Variants in SLC12A7 observed in about 807,000 individuals in gnomAD.
The protein encoded by SLC12A7 is solute carrier family 12 member 7.
A neutral mutation model predicts 120.6 loss-of-function variants in SLC12A7; 100 were observed. The observed-to-expected ratio is 0.83, with a 90% CI of 0.71 to 0.98. The LOEUF (loss-of-function observed/expected upper bound fraction) is 0.98, where lower values mean the gene tolerates loss of function less well. SLC12A7 is among the 50% of genes least tolerant of loss of function. SLC12A7 has a pLI of 0.00. For synonymous variants in SLC12A7, 760 were observed against 678.0 expected (o/e 1.12, Z -1.88); for missense variants, 1,373 against 1,548.1 (o/e 0.89, Z 1.90).
In SLC12A7 at chr5:1,085,082, C is replaced by T. The variant is rs915004924; in HGVS notation, c.917+150G>A. On this transcript the variant is annotated intron_variant, in intron 7 of 23. Coordinates refer to ENST00000264930, the MANE Select transcript of SLC12A7 (RefSeq NM_006598.3). ...GTTGGGTTTCCTGTAATCCCCAGAA[C>T]GAGCCCACGGGGGTTCCCGCCACGG... 3.6e-5 allele frequency: 40 copies of T among 1,114,178 alleles called. No individual in the cohort carries two copies. In the African/African-American group the frequency reaches 3.9e-4, roughly 11 times the overall value. 69.0% of individuals were successfully genotyped at this position (1,114,178 alleles called of 1,614,324 possible). A position where few individuals can be genotyped will look rare whatever the true frequency, so the allele number is the denominator to read the frequency against.
the SLC12A7 span, among the ~76,000 whole-genome samples, chr5:1,122,992 C>T: frequency 2.6e-5 from 4 of 152,350 alleles, no homozygotes; most frequent in African/African-American, 7.2e-5. Context: ...GGGCGCGGGG[C>T]CTGACCTTCT....
intron 1 of SLC12A7, among the ~76,000 whole-genome samples, chr5:1,110,125 G>A (rs979771271): frequency 2.0e-5 from 3 of 152,368 alleles, no homozygotes; most frequent in South Asian, 4.1e-4. Context: ...GGGCAGCTGC[G>A]TGCCCGTTAC....
Position 1,112,042 on chromosome 5 carries a change from C to T in SLC12A7, c.-51G>A. 8.2e-7 allele frequency: 1 copy of T among 1,215,064 alleles called. No individual in the cohort carries two copies. Among genetic ancestry groups the T allele is most frequent in the Non-Finnish European group, 1.0e-6 (1 of 976,066 alleles). 75.3% of individuals were successfully genotyped at this position (1,215,064 alleles called of 1,614,324 possible). A position where few individuals can be genotyped will look rare whatever the true frequency, so the allele number is the denominator to read the frequency against. On this transcript the variant is annotated 5_prime_UTR_variant, in exon 1 of 24. Transcript: ENST00000264930. ...TCCCGGCCCGGCCCGCGCTGCGCCG[C>T]TCCCGCCGACGCCACGGGACTTGGA...
rs964434553 is a variant in SLC12A7, at chr5:1,085,464, A to G, written c.685T>C (p.Ser229Pro). The G allele has an allele frequency of 1.9e-6, 3 of 1,606,160 alleles. No homozygotes were observed. In the African/African-American group the frequency reaches 4.0e-5, roughly 21 times the overall value. The change falls in exon 7 of 24, where the codon TCC (serine) becomes CCC (proline). Residue 229 changes from serine to proline, a missense_variant. Physicochemically the swap from Ser to Pro is moderately conservative, Grantham distance 74 (BLOSUM62 -1). Transcript: ENST00000264930. Reference protein sequence around the residue: ...GTIEIFLTYISPGAAIFQAEA... With the variant: ...GTIEIFLTYIPPGAAIFQAEA... Reference sequence around the variant, plus strand: ...GCCTGGAAGATGGCCGCACCCGGGGAGATGTACGTCTGTGGGAACAAGGCC... The same window carrying G: ...GCCTGGAAGATGGCCGCACCCGGGGGGATGTACGTCTGTGGGAACAAGGCC...
chr5:1,143,115 C>A, the SLC12A7 span, among the ~76,000 whole-genome samples: 1 of 152,214 alleles, frequency 6.6e-6, no homozygotes, highest in Non-Finnish European at 1.5e-5. Flanking sequence ...GGGCAACATG[C>A]CCCTCCATCC....
At chr5:1,056,504 C>T (rs1735625971) in intron 22 of SLC12A7, 7 of 739,852 alleles carry the variant, frequency 9.5e-6, no homozygotes, top group African/African-American at 1.9e-5. Context: ...CGCGCACAGA[C>T]ACACGCAGGC....
At chr5:1,104,376 C>T (rs1428128145) in intron 1 of SLC12A7, among the ~76,000 whole-genome samples, 2 of 152,228 alleles carry the variant, frequency 1.3e-5, no homozygotes, top group African/African-American at 4.8e-5. Context: ...TGGACATCCC[C>T]TGTGCACGGG....
Position 1,052,210 on chromosome 5 carries a change from G to C in SLC12A7, c.*150C>G, listed in dbSNP as rs749090414. The C allele has an allele frequency of 2.9e-6, 2 of 688,676 alleles. No individual in the cohort carries two copies. 42.7% of individuals were successfully genotyped at this position (688,676 alleles called of 1,614,324 possible). A position where few individuals can be genotyped will look rare whatever the true frequency, so the allele number is the denominator to read the frequency against. On this transcript the variant is annotated 3_prime_UTR_variant, in exon 24 of 24. Transcript: ENST00000264930. ...AGGAGAGCCCTAGGTGACGGGCCTAGAAACTTCCGTAGGAAGCCCCATGGG... is the reference window on the plus strand; with the variant it reads ...AGGAGAGCCCTAGGTGACGGGCCTACAAACTTCCGTAGGAAGCCCCATGGG...
At chr5:1,131,990 G>A in the SLC12A7 span, among the ~76,000 whole-genome samples, 16 of 152,210 alleles carry the variant, frequency 1.1e-4, no homozygotes, top group African/African-American at 2.7e-4. Context: ...GGCCTGCTGC[G>A]CTGCATTCCC....
chr5:1,154,609 C>T, the SLC12A7 span, among the ~76,000 whole-genome samples: 15 of 152,194 alleles, frequency 9.9e-5, no homozygotes, highest in Admixed American at 2.6e-4. Flanking sequence ...AGCACAGAGA[C>T]GTGCTGAGGA....
chr5:1,152,959 C>T, the SLC12A7 span, among the ~76,000 whole-genome samples: 22 of 152,354 alleles, frequency 1.4e-4, no homozygotes, highest in Admixed American at 3.9e-4. Context: ...TGGCGCCCAA[C>T]GCATGCCAAT....
At chr5:1,131,174 G>A in the SLC12A7 span, among the ~76,000 whole-genome samples, 2 of 152,180 alleles carry the variant, frequency 1.3e-5, no homozygotes, top group South Asian at 4.1e-4. Context: ...ATCGCTAGGG[G>A]ACTCACGGGG....
At chr5:1,090,766 G>A (rs1317784221) in intron 3 of SLC12A7, among the ~76,000 whole-genome samples, 1 of 152,216 alleles carries the variant, frequency 6.6e-6, no homozygotes, top group Non-Finnish European at 1.5e-5. Flanking sequence ...CTCGGCCAAA[G>A]GCGGGGGATC....
chr5:1,081,844 G>A, intron 8 of SLC12A7, 100 bp from the exon 9 acceptor site: 1 of 1,419,782 alleles, frequency 7.0e-7, no homozygotes, highest in South Asian at 1.3e-5. Context: ...GGTGGCCGGA[G>A]GGGAAGGGTC....
chr5:1,065,481 G>A lies in SLC12A7; in HGVS notation c.2242-3C>T. ...GTGCTCATTAGGGACCGTATGTTCT[G>A]CGGGAGACAGGACAGGTTGGTGCTA... On this transcript the variant is annotated splice_region_variant and splice_polypyrimidine_tract_variant and intron_variant, in intron 17 of 23. Transcript: ENST00000264930. 6.4e-7 allele frequency: 1 copy of A among 1,573,132 alleles called. No homozygotes were observed. Among genetic ancestry groups the A allele is most frequent in the Non-Finnish European group, 8.7e-7 (1 of 1,155,482 alleles).
At chr5:1,065,543 C>T in intron 17 of SLC12A7, 65 bp from the exon 18 acceptor site, 1 of 1,387,776 alleles carries the variant, frequency 7.2e-7, no homozygotes, top group East Asian at 2.5e-5. Context: ...CGCCCACCAC[C>T]CACGGTGGCC....
intron 11 of SLC12A7, 85 bp downstream of exon 11, chr5:1,078,616 C>T (rs953985677): frequency 3.3e-5 from 37 of 1,106,688 alleles, no homozygotes; most frequent in Admixed American, 7.2e-5. Flanking sequence ...AGTCCTAGGG[C>T]GATGTAATTT....
intron 1 of SLC12A7, among the ~76,000 whole-genome samples, chr5:1,096,591 T>A (rs949366556): frequency 8.8e-5 from 13 of 147,398 alleles, no homozygotes; most frequent in Non-Finnish European, 1.8e-4. Flanking sequence ...AGATCAGTGG[T>A]GACTGGCGAC....
intron 3 of SLC12A7, among the ~76,000 whole-genome samples, chr5:1,090,220 C>T (rs536218656): frequency 3.9e-5 from 6 of 152,320 alleles, no homozygotes; most frequent in African/African-American, 1.4e-4. Context: ...CTGGGGTCAC[C>T]GTGCCGGAAC....
Sources: gnomAD v4.1 joint callset for allele counts (sites outside exome capture counted in the v4.1 genomes callset) on GRCh38, gnomAD v4.1.1 for gene constraint, MANE v1.5 for transcripts, NCBI Gene and HGNC (gene_info 2026-07-23, HGNC 2026-07-21) for gene names.